BRIP1: variants seen among roughly 807,000 people sequenced by gnomAD.
BRIP1 encodes Fanconi anemia group J protein.
Under a neutral mutation model 119.7 loss-of-function variants are expected in BRIP1, and 88 were observed. The observed-to-expected ratio is 0.74, with a 90% confidence interval of 0.62 to 0.88. The LOEUF (loss-of-function observed/expected upper bound fraction) is 0.88. BRIP1 is among the 40% of genes least tolerant of loss of function. BRIP1 has a pLI of 0.00. For synonymous variants in BRIP1, 443 were observed against 496.5 expected, an observed-to-expected ratio of 0.89 and a Z score of 1.43; for missense variants, 1,259 against 1,455.4, an observed-to-expected ratio of 0.87 and a Z score of 2.20.
chr17:61,780,372 C>G lies in BRIP1; in HGVS notation c.1824G>C (p.Gln608His), dbSNP rs1567812636. Residue 608 changes from glutamine (Q) to histidine (H), a missense_variant, in exon 13 of 20, where the codon CAG becomes CAC. Physicochemically the swap from Gln to His is conservative, Grantham distance 24. This residue lies in a region of BRIP1 where 753 missense variants were observed against 891.8 expected (regional missense o/e 0.84). Transcript: ENST00000259008. This position sits in a 1 kb window ranked among gnomAD's most constrained non-coding sequence, Gnocchi z 5.4. ...VAFSDINGKVQTIVLTSGTLS... is the reference protein window; with the variant it reads ...VAFSDINGKVHTIVLTSGTLS... ...ATGTACCAGATGTCAAAACAATGGT[C>G]TGAACTTTGCCATTAATATCTGAAA... 6.2e-7 allele frequency: 1 copy of G among 1,610,314 alleles called. No homozygotes were observed. Among genetic ancestry groups the G allele is most frequent in the African/African-American group, 1.3e-5 (1 of 74,908 alleles).
chr17:61,729,909 A>G lies in BRIP1; in HGVS notation c.2379+13104T>C, dbSNP rs1407054872. Among the ~76,000 whole-genome samples the G allele has an allele frequency of 1.3e-5, 2 of 152,138 alleles. No individual in the cohort carries two copies. The highest frequency in any genetic ancestry group is 2.9e-5 in the Non-Finnish European group (2 of 68,028). The stretch of plus-strand genomic sequence containing the variant: ...TACCGGCATCTAGTGGGTAAATGCT[A>G]GAGATGCTGTTAAACATCCTGGAAT... On this transcript the variant is annotated intron_variant, in intron 16 of 19. Coordinates refer to ENST00000259008, the MANE Select transcript of BRIP1 (RefSeq NM_032043.3). The surrounding 1 kb of genome is among the most constrained non-coding windows in gnomAD (Gnocchi z 5.6).
At position 61,759,893 on chromosome 17, in the gene BRIP1, A is replaced by G. The variant is rs945352856; in HGVS notation, c.2098-15302T>C. Among the ~76,000 whole-genome samples the G allele has an allele frequency of 2.0e-5, 3 of 151,986 alleles. No homozygotes were observed. Among genetic ancestry groups the G allele is most frequent in the Non-Finnish European group, 4.4e-5 (3 of 67,912 alleles). On this transcript the variant is annotated intron_variant, in intron 14 of 19. Transcript: ENST00000259008. The surrounding 1 kb of genome is among the most constrained non-coding windows in gnomAD (Gnocchi z 4.9). ...GCCACAAACCTTTAATTTATGAAAA[A>G]AAAAAAACCCAGAATATTTGCAAAG...
rs1486567590 is a variant in BRIP1 at position 61,706,559 on chromosome 17, T to C, written c.2492+9392A>G. ...CTTTCAATATTTTAGGTAGATCTTC[T>C]GGTTATTTATCTCCATATTTCTAAG... is the stretch of plus-strand genomic sequence containing the variant. On this transcript the variant is annotated intron_variant, in intron 17 of 19. Transcript: ENST00000259008. The surrounding 1 kb of genome is among the most constrained non-coding windows in gnomAD (Gnocchi z 5.7). 1.3e-5 allele frequency among the ~76,000 whole-genome samples: 2 copies of C among 152,132 alleles called. No homozygotes were observed. The highest frequency in any genetic ancestry group is 4.8e-5 in the African/African-American group (2 of 41,442).
In BRIP1 at chr17:61,759,547, A is replaced by G; in HGVS notation, c.2098-14956T>C. On this transcript the variant is annotated intron_variant, in intron 14 of 19. Transcript: ENST00000259008. The surrounding 1 kb of genome is among the most constrained non-coding windows in gnomAD (Gnocchi z 4.9). ...CAGAAAATATATTTAAAAACATTGG[A>G]CTTGAATAAATTTAGACCAAATGGA... is the stretch of plus-strand genomic sequence containing the variant. 6.6e-6 allele frequency among the ~76,000 whole-genome samples: 1 copy of G among 152,112 alleles called. No individual in the cohort carries two copies. The highest frequency in any genetic ancestry group is 1.9e-4 in the East Asian group (1 of 5,204).
In BRIP1 at chr17:61,804,351, C is replaced by A. The variant is rs1315626792; in HGVS notation, c.919-2877G>T. Among the ~76,000 whole-genome samples the A allele has an allele frequency of 3.3e-5, 5 of 151,012 alleles. No individual in the cohort carries two copies. The highest frequency in any genetic ancestry group is 1.3e-4 in the Admixed American group (2 of 15,162). On this transcript the variant is annotated intron_variant, in intron 7 of 19. Coordinates refer to ENST00000259008, the MANE Select transcript of BRIP1 (RefSeq NM_032043.3). This position sits in a 1 kb window ranked among gnomAD's most constrained non-coding sequence, Gnocchi z 4.5. The stretch of plus-strand genomic sequence containing the variant: ...TTTGCTATCCTTAACAAAAAACAAC[C>A]ATACATAAAATATATAAATTATATC...
Position 61,693,314 on chromosome 17 carries a change from A to T in BRIP1, c.2575+116T>A. On this transcript the variant is annotated intron_variant, in intron 18 of 19. Transcript: ENST00000259008. This position sits in a 1 kb window ranked among gnomAD's most constrained non-coding sequence, Gnocchi z 4.2. The stretch of plus-strand genomic sequence containing the variant: ...CTGTGAAATACTGTGCTTATAGTTA[A>T]CAATATTGTACTGTGCACTTAATAA... 2 of 934,324 alleles carry T rather than the reference A, an allele frequency of 2.1e-6. No homozygotes were observed. The highest frequency in any genetic ancestry group is 2.8e-5 in the South Asian group (2 of 71,658). 57.9% of individuals were successfully genotyped at this position (934,324 alleles called of 1,614,324 possible).
chr17:61,741,885 C>A (rs1474933396), intron 16 of BRIP1, among the ~76,000 whole-genome samples: 2 of 152,224 alleles, frequency 1.3e-5, no homozygotes, highest in Non-Finnish European at 2.9e-5. Context: ...TGCACTGGCC[C>A]ATCACAAGAG....
chr17:61,854,702 CAAAA>C (rs60657866), intron 4 of BRIP1, among the ~76,000 whole-genome samples: 2 of 82,290 alleles, frequency 2.4e-5, no homozygotes, highest in Admixed American at 1.4e-4. Flanking sequence ...GACTCCGTCT[CAAAA>C]AAAAAAAAAA....
At position 61,846,770 on chromosome 17, in the gene BRIP1, G is replaced by A. The variant is rs2078739547; in HGVS notation, c.627+331C>T. On this transcript the variant is annotated intron_variant, in intron 6 of 19. Transcript: ENST00000259008. This position sits in a 1 kb window ranked among gnomAD's most constrained non-coding sequence, Gnocchi z 4.3. ...AAATCTCAATATCTAGAACTCCTTGGACTACTCCTTGAGAACTGTTGCCCT... is the reference window on the plus strand; with the variant it reads ...AAATCTCAATATCTAGAACTCCTTGAACTACTCCTTGAGAACTGTTGCCCT... Among the ~76,000 whole-genome samples, 3 of 152,246 alleles carry A rather than the reference G, an allele frequency of 2.0e-5. No individual in the cohort carries two copies. Among genetic ancestry groups the A allele is most frequent in the South Asian group, 4.1e-4 (2 of 4,822 alleles).
rs958305860 is a variant in BRIP1 at position 61,735,952 on chromosome 17, G to A, written c.2379+7061C>T. On this transcript the variant is annotated intron_variant, in intron 16 of 19. Transcript: ENST00000259008. This position sits in a 1 kb window ranked among gnomAD's most constrained non-coding sequence, Gnocchi z 4.4. ...TGGAACCCTGACCCAGCTAAGCCAT[G>A]CCCACACTTGTGACCAATGGAAACT... Among the ~76,000 whole-genome samples, 2 of 152,110 alleles carry A rather than the reference G, an allele frequency of 1.3e-5. No homozygotes were observed. Among genetic ancestry groups the A allele is most frequent in the Non-Finnish European group, 2.9e-5 (2 of 68,024 alleles).
intron 6 of BRIP1, among the ~76,000 whole-genome samples, chr17:61,829,646 G>A (rs1281601312): frequency 6.6e-6 from 1 of 152,088 alleles, no homozygotes; most frequent in Non-Finnish European, 1.5e-5. Context: ...TAAAAGAACT[G>A]AAATCATATA....
In BRIP1 at chr17:61,757,938, A is replaced by G. The variant is rs2077222242; in HGVS notation, c.2098-13347T>C. 6.6e-6 allele frequency among the ~76,000 whole-genome samples: 1 copy of G among 151,926 alleles called. No homozygotes were observed. Among genetic ancestry groups the G allele is most frequent in the Non-Finnish European group, 1.5e-5 (1 of 67,968 alleles). ...AGCCAGGGAGGTAAAGACTACAGTG[A>G]GCCAGTGATTGTACCACCACATTCT... is the stretch of plus-strand genomic sequence containing the variant. On this transcript the variant is annotated intron_variant, in intron 14 of 19. Transcript: ENST00000259008. This position sits in a 1 kb window ranked among gnomAD's most constrained non-coding sequence, Gnocchi z 4.3.
At position 61,770,165 on chromosome 17, in the gene BRIP1, A is replaced by T. The variant is rs2077427452; in HGVS notation, c.2097+6236T>A. On this transcript the variant is annotated intron_variant, in intron 14 of 19. Coordinates refer to ENST00000259008, the MANE Select transcript of BRIP1 (RefSeq NM_032043.3). This position sits in a 1 kb window ranked among gnomAD's most constrained non-coding sequence, Gnocchi z 4.7. ...GCCATCTAATCTTATGATATGAATG[A>T]AGAGCTCAGAAACACTTGTGAAGGT... is the stretch of plus-strand genomic sequence containing the variant. Among the ~76,000 whole-genome samples, 1 of 152,230 alleles carries T rather than the reference A, an allele frequency of 6.6e-6. No homozygotes were observed. The highest frequency in any genetic ancestry group is 1.5e-5 in the Non-Finnish European group (1 of 68,038).
chr17:61,850,256 C>T (rs2078798422), intron 4 of BRIP1, among the ~76,000 whole-genome samples: 1 of 151,952 alleles, frequency 6.6e-6, no homozygotes, highest in African/African-American at 2.4e-5. Context: ...GCATGTGCCA[C>T]CACGCCTGGC....
chr17:61,845,063 T>C lies in BRIP1; in HGVS notation c.627+2038A>G, dbSNP rs371821956. Among the ~76,000 whole-genome samples the C allele has an allele frequency of 5.8e-4, 88 of 152,264 alleles. 1 individual carries two copies. The South Asian group carries it at 0.017, about 29-fold the overall frequency. On this transcript the variant is annotated intron_variant, in intron 6 of 19. Coordinates refer to ENST00000259008, the MANE Select transcript of BRIP1 (RefSeq NM_032043.3). The surrounding 1 kb of genome is among the most constrained non-coding windows in gnomAD (Gnocchi z 4.2). ...GACAAATAATAAACAAGTAATCAAGTAATTTCAGATAATAGTAAGCCCATG... is the reference window on the plus strand; with the variant it reads ...GACAAATAATAAACAAGTAATCAAGCAATTTCAGATAATAGTAAGCCCATG...
Position 61,761,185 on chromosome 17 carries a change from AT to A in BRIP1, c.2097+15215del, listed in dbSNP as rs533224038. 5.3e-5 allele frequency among the ~76,000 whole-genome samples: 8 copies of A among 152,180 alleles called. No homozygotes were observed. The East Asian group carries it at 1.3e-3, about 26-fold the overall frequency. On this transcript the variant is annotated intron_variant, in intron 14 of 19. Transcript: ENST00000259008. This position sits in a 1 kb window ranked among gnomAD's most constrained non-coding sequence, Gnocchi z 6.4. ...TCATCTCATTAGATGTAGAAAAATC[AT>A]TTGACAAAATTCAACATCCTTTCCT...
chr17:61,788,512 T>G (rs2077767256), intron 10 of BRIP1, among the ~76,000 whole-genome samples: 1 of 152,154 alleles, frequency 6.6e-6, no homozygotes, highest in Admixed American at 6.5e-5. Context: ...AAAGGACAGC[T>G]GATACAATTC....
At chr17:61,707,806 T>C (rs1445283123) in intron 17 of BRIP1, among the ~76,000 whole-genome samples, 1 of 152,082 alleles carries the variant, frequency 6.6e-6, no homozygotes, top group Non-Finnish European at 1.5e-5. Context: ...ATAGCCCATG[T>C]CTTGTTTTTG....
chr17:61,812,490 C>G (rs2078177746), intron 6 of BRIP1, among the ~76,000 whole-genome samples: 1 of 151,842 alleles, frequency 6.6e-6, no homozygotes, highest in Non-Finnish European at 1.5e-5. Context: ...AGTGCCAGAA[C>G]CAAACTCTTT....
Sources: gnomAD v4.1 joint callset for allele counts (sites outside exome capture counted in the v4.1 genomes callset) on GRCh38, gnomAD v4.1.1 for gene constraint, gnomAD v4.1.1 regional missense constraint, Gnocchi (gnomAD v3.1) non-coding constraint, MANE v1.5 for transcripts, NCBI Gene and HGNC (gene_info 2026-07-23, HGNC 2026-07-21) for gene names.